The following SPOCK3 variants were observed in gnomAD, a reference collection of about 807,000 sequenced individuals.
SPOCK3 encodes the protein testican-3.
In SPOCK3, 30 loss-of-function variants were observed where a neutral mutation model predicts 56.6. That is an observed-to-expected ratio of 0.53 (90% CI 0.40 to 0.72). The LOEUF is 0.72. Ranked by LOEUF, SPOCK3 falls within the 30% of genes least tolerant of loss-of-function variation. The pLI is 0.00. For synonymous variants in SPOCK3, 196 were observed against 183.3 expected (o/e 1.07, Z -0.56); for missense variants, 527 against 530.0 (o/e 0.99, Z 0.06).
chr4:166,887,164 C>T (rs1278331544), intron 6 of SPOCK3, among the ~76,000 whole-genome samples: 1 of 152,158 alleles, frequency 6.6e-6, no homozygotes, highest in Non-Finnish European at 1.5e-5. Context: ...CTCAGATGTG[C>T]TACCTTCCAT....
At position 167,191,518 on chromosome 4, in the gene SPOCK3, A is replaced by C. The variant is rs1732468618; in HGVS notation, c.189+42467T>G. On this transcript the variant is annotated intron_variant, in intron 2 of 10. Coordinates refer to ENST00000357545, the MANE Select transcript of SPOCK3 (RefSeq NM_001040159.2). ...ATGGATTTTTCAATTCCTTGGTTAA[A>C]TTTATTACTAGGCATTTTATTCTTT... Among the ~76,000 whole-genome samples the C allele has an allele frequency of 1.4e-5, 2 of 145,812 alleles. 1 individual carries two copies. Among genetic ancestry groups the C allele is most frequent in the African/African-American group, 5.2e-5 (2 of 38,304 alleles).
chr4:167,066,304 C>T (rs562516101), intron 2 of SPOCK3, among the ~76,000 whole-genome samples: 1 of 151,902 alleles, frequency 6.6e-6, no homozygotes, highest in East Asian at 1.9e-4. Context: ...GTGTGCATTG[C>T]TCGCTATTTA....
At chr4:167,011,935 CTT>C (rs961765730) in intron 3 of SPOCK3, among the ~76,000 whole-genome samples, 14 of 151,704 alleles carry the variant, frequency 9.2e-5, no homozygotes, top group Non-Finnish European at 5.9e-5. Context: ...TATTTTATAT[CTT>C]TTTAATATTT....
intron 2 of SPOCK3, among the ~76,000 whole-genome samples, chr4:167,192,037 T>C (rs1732511586): frequency 6.9e-6 from 1 of 145,814 alleles, no homozygotes; most frequent in African/African-American, 2.6e-5. Flanking sequence ...ATTGAGATGA[T>C]CATTTGATTT....
At chr4:167,008,707 A>G (rs1335013793) in intron 3 of SPOCK3, among the ~76,000 whole-genome samples, 2 of 152,086 alleles carry the variant, frequency 1.3e-5, no homozygotes, top group Non-Finnish European at 2.9e-5. Context: ...ATACAGCTGG[A>G]GGCCATTATT....
At position 166,881,283 on chromosome 4, in the gene SPOCK3, A is replaced by C. The variant is rs139545451; in HGVS notation, c.589+7847T>G. Reference sequence around the variant, plus strand: ...AATGTCTAAAGTTTGTTATTTGCAAATAACAGAAAATGATATATCCATAAC... The same window carrying C: ...AATGTCTAAAGTTTGTTATTTGCAACTAACAGAAAATGATATATCCATAAC... On this transcript the variant is annotated intron_variant, in intron 6 of 10. Coordinates refer to ENST00000357545, the MANE Select transcript of SPOCK3 (RefSeq NM_001040159.2). 3.8e-3 allele frequency among the ~76,000 whole-genome samples: 574 copies of C among 151,932 alleles called. 6 individuals are homozygous for C. The highest frequency in any genetic ancestry group is 0.013 in the African/African-American group (541 of 41,532).
At chr4:166,864,483 T>C (rs982856638) in intron 6 of SPOCK3, among the ~76,000 whole-genome samples, 1 of 151,892 alleles carries the variant, frequency 6.6e-6, no homozygotes, top group African/African-American at 2.4e-5. Context: ...AAAACATCCA[T>C]GAATCTAGAA....
At chr4:167,206,260 G>A (rs985241403) in intron 2 of SPOCK3, among the ~76,000 whole-genome samples, 1 of 152,020 alleles carries the variant, frequency 6.6e-6, no homozygotes, top group Admixed American at 6.6e-5. Flanking sequence ...GGAGTCGGGG[G>A]TTGCAGTGAG....
chr4:167,105,330 A>C (rs976712950), intron 2 of SPOCK3, among the ~76,000 whole-genome samples: 7 of 151,770 alleles, frequency 4.6e-5, no homozygotes, highest in African/African-American at 1.7e-4. Flanking sequence ...GGGTTTTATT[A>C]GTTTTCTGTT....
chr4:166,931,844 C>T (rs1017843377), intron 4 of SPOCK3, among the ~76,000 whole-genome samples: 12 of 152,262 alleles, frequency 7.9e-5, no homozygotes, highest in African/African-American at 2.9e-4. Flanking sequence ...AGGCATTAGG[C>T]AGAAAATTGT....
At chr4:166,828,291 C>T (rs1745688190) in intron 6 of SPOCK3, among the ~76,000 whole-genome samples, 1 of 151,940 alleles carries the variant, frequency 6.6e-6, no homozygotes, top group Admixed American at 6.6e-5. Context: ...ATTTCTTCTA[C>T]AATTTCATAC....
chr4:166,949,670 C>T (rs935149102), intron 4 of SPOCK3, among the ~76,000 whole-genome samples: 3 of 151,962 alleles, frequency 2.0e-5, no homozygotes, highest in South Asian at 2.1e-4. Context: ...TCATGAACTG[C>T]AAATGCTGCT....
chr4:167,180,668 C>T (rs1731380404), intron 2 of SPOCK3, among the ~76,000 whole-genome samples: 1 of 152,034 alleles, frequency 6.6e-6, no homozygotes, highest in Non-Finnish European at 1.5e-5. Flanking sequence ...TCATTCTGTG[C>T]CTGGCCTATT....
At chr4:166,959,811 TATATA>T (rs777060108) in intron 4 of SPOCK3, among the ~76,000 whole-genome samples, 11 of 152,146 alleles carry the variant, frequency 7.2e-5, no homozygotes, top group African/African-American at 1.2e-4. Flanking sequence ...ATGTGCACCA[TATATA>T]ATATATGACA....
intron 4 of SPOCK3, among the ~76,000 whole-genome samples, chr4:166,971,769 T>G (rs1745406828): frequency 1.3e-5 from 2 of 152,084 alleles, no homozygotes; most frequent in South Asian, 2.1e-4. Flanking sequence ...TACTAGACAT[T>G]ATTAGCTTCG....
chr4:166,764,552 G>A (rs1327035902), intron 7 of SPOCK3, among the ~76,000 whole-genome samples: 1 of 152,068 alleles, frequency 6.6e-6, no homozygotes, highest in African/African-American at 2.4e-5. Context: ...AGTATTCCAC[G>A]GTGTATATGT....
chr4:166,989,060 A>C (rs1481465012), intron 4 of SPOCK3, among the ~76,000 whole-genome samples: 1 of 152,044 alleles, frequency 6.6e-6, no homozygotes, highest in Non-Finnish European at 1.5e-5. Context: ...AAGGAAAGAA[A>C]CCTACGAAAA....
chr4:167,193,444 T>C lies in SPOCK3; in HGVS notation c.189+40541A>G, dbSNP rs906963515. Among the ~76,000 whole-genome samples the C allele has an allele frequency of 2.7e-5, 4 of 146,090 alleles. 1 individual carries two copies. Among genetic ancestry groups the C allele is most frequent in the African/African-American group, 1.0e-4 (4 of 38,256 alleles). ...CATACATTTTATATTATTGAGGTAA[T>C]ACTTTACACATTTTTATATCATGCA... On this transcript the variant is annotated intron_variant, in intron 2 of 10. Transcript: ENST00000357545.
At chr4:167,035,078 G>A (rs1316488655) in intron 3 of SPOCK3, among the ~76,000 whole-genome samples, 2 of 152,012 alleles carry the variant, frequency 1.3e-5, no homozygotes, top group Non-Finnish European at 2.9e-5. Flanking sequence ...AAAACTAGAC[G>A]AGTGAGTAGC....
Sources: gnomAD v4.1 joint callset for allele counts (sites outside exome capture counted in the v4.1 genomes callset) on GRCh38, gnomAD v4.1.1 for gene constraint, MANE v1.5 for transcripts, NCBI Gene and HGNC (gene_info 2026-07-23, HGNC 2026-07-21) for gene names.